The following WWOX variants were observed in gnomAD, a reference collection of about 807,000 sequenced individuals.
WWOX encodes the protein WW domain-containing oxidoreductase.
In WWOX, 69 loss-of-function variants were observed where a neutral mutation model predicts 46.2. That is an observed-to-expected ratio of 1.49 (90% confidence interval 1.23 to 1.82). The LOEUF (loss-of-function observed/expected upper bound fraction) is 1.82. Among genes scored for constraint, WWOX ranks in the 40% most tolerant of loss-of-function variants. The pLI, the probability that WWOX is intolerant of heterozygous loss-of-function variation, is 0.00. For synonymous variants in WWOX, 359 were observed against 202.6 expected (o/e 1.77, Z -6.56); for missense variants, 919 against 542.6 (o/e 1.69, Z -6.89).
chr16:78,665,034 A>T (rs1240375306), intron 8 of WWOX, among the ~76,000 whole-genome samples: 2 of 152,198 alleles, frequency 1.3e-5, no homozygotes, highest in African/African-American at 4.8e-5. Flanking sequence ...ATCAGCCTGC[A>T]TCCTGTTCAT....
chr16:78,309,718 C>T lies in WWOX; in HGVS notation c.517-77142C>T, dbSNP rs532080847. On this transcript the variant is annotated intron_variant, in intron 5 of 8. Transcript: ENST00000566780. Reference sequence around the variant, plus strand: ...GAGTTTCACTCTTTCAATCAACGTACGTGACTACCCAGAATTAAACTGGAA... The same window carrying T: ...GAGTTTCACTCTTTCAATCAACGTATGTGACTACCCAGAATTAAACTGGAA... Among the ~76,000 whole-genome samples the T allele has an allele frequency of 1.1e-4, 17 of 152,254 alleles. No homozygotes were observed. The South Asian group carries it at 2.5e-3, about 22-fold the overall frequency.
intron 8 of WWOX, among the ~76,000 whole-genome samples, chr16:78,509,166 T>C (rs1394855047): frequency 1.3e-5 from 2 of 152,188 alleles, no homozygotes; most frequent in African/African-American, 2.4e-5. Context: ...TTGCCGGGCA[T>C]GGTGGTTCAC....
At chr16:78,371,097 G>T (rs1402720156) in intron 5 of WWOX, among the ~76,000 whole-genome samples, 1 of 150,546 alleles carries the variant, frequency 6.6e-6, no homozygotes, top group Non-Finnish European at 1.5e-5. Flanking sequence ...CGTTATTAGA[G>T]TGTGTAACAT....
At chr16:78,619,555 T>A (rs2046125517) in intron 8 of WWOX, among the ~76,000 whole-genome samples, 1 of 151,740 alleles carries the variant, frequency 6.6e-6, no homozygotes, top group South Asian at 2.1e-4. Flanking sequence ...CTAATCTCAA[T>A]TTTATTATAC....
At chr16:78,530,057 C>A (rs72803915) in intron 8 of WWOX, among the ~76,000 whole-genome samples, 1 of 152,084 alleles carries the variant, frequency 6.6e-6, no homozygotes, top group African/African-American at 2.4e-5. Flanking sequence ...GAACCCCCTG[C>A]ACTCCACCCC....
At chr16:78,419,632 A>T (rs1326159949) in intron 6 of WWOX, among the ~76,000 whole-genome samples, 13 of 145,462 alleles carry the variant, frequency 8.9e-5, no homozygotes, top group African/African-American at 3.3e-4. Context: ...TAGCAAAAAA[A>T]AAAAAAAAAA....
intron 6 of WWOX, among the ~76,000 whole-genome samples, chr16:78,394,341 ATTT>A (rs1400835888): frequency 1.3e-5 from 2 of 152,122 alleles, no homozygotes; most frequent in African/African-American, 4.8e-5. Flanking sequence ...CTTAATTATG[ATTT>A]TTTAAGGAAA....
intron 8 of WWOX, among the ~76,000 whole-genome samples, chr16:78,785,207 A>G (rs1195902665): frequency 6.6e-6 from 1 of 152,246 alleles, no homozygotes; most frequent in Non-Finnish European, 1.5e-5. Flanking sequence ...GTCTTTTGCT[A>G]GCAGGCGCTC....
intron 8 of WWOX, among the ~76,000 whole-genome samples, chr16:78,470,831 C>T (rs983244142): frequency 6.6e-6 from 1 of 152,122 alleles, no homozygotes; most frequent in African/African-American, 2.4e-5. Context: ...GCCCGACCAG[C>T]AAGACCCCAC....
chr16:78,856,740 A>G (rs771565499), intron 8 of WWOX, among the ~76,000 whole-genome samples: 3 of 152,204 alleles, frequency 2.0e-5, no homozygotes, highest in African/African-American at 4.8e-5. Context: ...TGAAATAGAA[A>G]TATACATGTA....
rs372301377 is a variant in WWOX, at chr16:78,119,953, T to C, written c.409+4799T>C. Among the ~76,000 whole-genome samples, 9 of 152,254 alleles carry C rather than the reference T, an allele frequency of 5.9e-5. No homozygotes were observed. In the East Asian group the frequency reaches 7.7e-4, roughly 13 times the overall value. ...ACCTTTAGAACGCTGGGCTGCATCA[T>C]GTGTGTTGTAACTTTAAAGTTAGAA... On this transcript the variant is annotated intron_variant, in intron 4 of 8. Transcript: ENST00000566780.
At chr16:78,397,733 A>G (rs1422585227) in intron 6 of WWOX, among the ~76,000 whole-genome samples, 2 of 152,120 alleles carry the variant, frequency 1.3e-5, no homozygotes, top group East Asian at 3.9e-4. Context: ...CTTTCAGCCA[A>G]TTTTCCTTTT....
chr16:78,718,397 G>C (rs1390854933), intron 8 of WWOX, among the ~76,000 whole-genome samples: 2 of 152,112 alleles, frequency 1.3e-5, no homozygotes, highest in Admixed American at 6.6e-5. Context: ...ATAGTATTTG[G>C]AGTTAAATAA....
intron 8 of WWOX, among the ~76,000 whole-genome samples, chr16:79,090,540 G>A (rs1056110564): frequency 6.6e-6 from 1 of 152,150 alleles, no homozygotes; most frequent in South Asian, 2.1e-4. Context: ...GCAAGGATAA[G>A]TGCTGTAAAG....
At chr16:78,847,154 G>A (rs1432618078) in intron 8 of WWOX, among the ~76,000 whole-genome samples, 2 of 152,086 alleles carry the variant, frequency 1.3e-5, no homozygotes, top group East Asian at 3.9e-4. Context: ...CTCCATGGAG[G>A]CTTGGTTCGT....
chr16:78,353,532 AGC>A (rs2081224660), intron 5 of WWOX, among the ~76,000 whole-genome samples: 1 of 152,222 alleles, frequency 6.6e-6, no homozygotes, highest in Non-Finnish European at 1.5e-5. Context: ...GGACAGGATT[AGC>A]AAGCCAAAGA....
At chr16:78,346,199 T>C (rs57557867) in intron 5 of WWOX, among the ~76,000 whole-genome samples, 30,335 of 120,772 alleles carry the variant, frequency 0.25, 10,134 homozygotes, top group African/African-American at 0.45. Flanking sequence ...GCTGCCTGTA[T>C]CAGTGGCTTA....
chr16:78,583,841 CAGGTGAAG>C (rs1387878331), intron 8 of WWOX, among the ~76,000 whole-genome samples: 1 of 152,212 alleles, frequency 6.6e-6, no homozygotes, highest in African/African-American at 2.4e-5. Context: ...TTGAGCCTCT[CAGGTGAAG>C]AGCTTTATTC....
At chr16:79,090,922 AAGTTG>A (rs1210130273) in intron 8 of WWOX, among the ~76,000 whole-genome samples, 2 of 152,092 alleles carry the variant, frequency 1.3e-5, no homozygotes, top group Non-Finnish European at 1.5e-5. Context: ...GCCTCCCAAG[AAGTTG>A]GGACTACAGG....
Sources: allele counts gnomAD v4.1 joint callset (sites outside exome capture counted in the v4.1 genomes callset), GRCh38; gene constraint gnomAD v4.1.1; transcripts MANE v1.5; gene names NCBI Gene and HGNC (gene_info 2026-07-23, HGNC 2026-07-21).